The following HHIPL1 variants were observed in gnomAD, a reference collection of about 807,000 sequenced individuals.
HHIPL1 encodes HHIP-like protein 1.
A neutral mutation model predicts 61.8 loss-of-function variants in HHIPL1; 43 were observed. The observed-to-expected ratio is 0.70, with a 90% CI of 0.55 to 0.90. The LOEUF is 0.90. Among genes scored for constraint, HHIPL1 ranks in the 40% least tolerant of loss-of-function variants. The probability of loss-of-function intolerance (pLI) is 0.00; values close to 1 mark genes in which losing one functional copy is unlikely to be tolerated. For synonymous variants in HHIPL1, 482 were observed against 515.8 expected, an observed-to-expected ratio of 0.93 and a Z score of 0.89; for missense variants, 1,056 against 1,157.7, an observed-to-expected ratio of 0.91 and a Z score of 1.28.
In HHIPL1 at chr14:99,645,397, G is replaced by A; in HGVS notation, c.190G>A (p.Ala64Thr). 7.0e-7 allele frequency: 1 copy of A among 1,418,644 alleles called. No homozygotes were observed. Among genetic ancestry groups the A allele is most frequent in the Non-Finnish European group, 9.2e-7 (1 of 1,088,814 alleles). The allele number at this position is 1,418,644 out of a possible 1,614,324, so 87.9% of individuals were successfully genotyped here. The change falls in exon 1 of 9, where the codon GCG becomes ACG. Residue 64 changes from alanine (A) to threonine (T), a missense_variant. Coordinates refer to ENST00000330710, the MANE Select transcript of HHIPL1 (RefSeq NM_001127258.3). Reference sequence around the variant, plus strand: ...GCTGACCCGCCGCTTCTGGGCCCTGGCGAGCCGCGTGGACGCCGCCGAGTG... The same window carrying A: ...GCTGACCCGCCGCTTCTGGGCCCTGACGAGCCGCGTGGACGCCGCCGAGTG... ...AELTRRFWAL[A>T]SRVDAAEWAA...
intron 4 of HHIPL1, 54 bp downstream of exon 4, chr14:99,659,810 C>A: frequency 8.0e-7 from 1 of 1,247,990 alleles, no homozygotes. Flanking sequence ...CACCCCACCC[C>A]ACCTGCTGTG....
At chr14:99,631,260 C>A in the HHIPL1 span, among the ~76,000 whole-genome samples, 105 of 152,030 alleles carry the variant, frequency 6.9e-4, no homozygotes, top group African/African-American at 2.4e-3. Flanking sequence ...CCATACCCGG[C>A]TAAGTTTTGT....
intron 1 of HHIPL1, among the ~76,000 whole-genome samples, chr14:99,648,084 G>A (rs1231663345): frequency 6.6e-6 from 1 of 152,088 alleles, no homozygotes; most frequent in East Asian, 1.9e-4. Flanking sequence ...GCCCTGTGCT[G>A]GATGCTGGGC....
intron 2 of HHIPL1, 133 bp downstream of exon 2, chr14:99,653,003 G>A (rs2055965714): frequency 1.1e-6 from 1 of 897,820 alleles, no homozygotes; most frequent in Admixed American, 2.9e-5. Flanking sequence ...TGAATTTCAT[G>A]CTTTGGGGCC....
chr14:99,606,815 C>T, the HHIPL1 span, among the ~76,000 whole-genome samples: 1 of 152,074 alleles, frequency 6.6e-6, no homozygotes, highest in Non-Finnish European at 1.5e-5. Flanking sequence ...CACACCAGGG[C>T]TGGGAATGCT....
chr14:99,642,775 T>A (rs921915263), upstream of HHIPL1, among the ~76,000 whole-genome samples: 6 of 151,554 alleles, frequency 4.0e-5, no homozygotes, highest in Non-Finnish European at 8.8e-5. Flanking sequence ...CCGCCCACCT[T>A]GGCCTCCCAA....
chr14:99,658,690 G>A (rs118113896), intron 3 of HHIPL1, among the ~76,000 whole-genome samples: 14 of 152,166 alleles, frequency 9.2e-5, no homozygotes, highest in South Asian at 4.2e-4. Context: ...CCCATCACGC[G>A]TCACTTTTGT....
rs542659400 is a variant in HHIPL1, at chr14:99,666,793, C to A, written c.1649-1429C>A. Among the ~76,000 whole-genome samples the A allele has an allele frequency of 2.0e-5, 3 of 152,316 alleles. No homozygotes were observed. The East Asian group carries it at 5.8e-4, about 29-fold the overall frequency. On this transcript the variant is annotated intron_variant, in intron 6 of 8. Transcript: ENST00000330710. ...GCTGCATCATCACCATGTGTGCCTA[C>A]AGCTCCTCCCCCGACCTCCCCAGTG...
chr14:99,672,777 G>A (rs2056339221), intron 8 of HHIPL1, among the ~76,000 whole-genome samples: 1 of 152,180 alleles, frequency 6.6e-6, no homozygotes, highest in Admixed American at 6.5e-5. Flanking sequence ...TGACAAGCCT[G>A]ATGAGGAGAG....
chr14:99,660,652 G>A lies in HHIPL1; in HGVS notation c.1502+246G>A, dbSNP rs909748332. Among the ~76,000 whole-genome samples, 3 of 152,200 alleles carry A rather than the reference G, an allele frequency of 2.0e-5. No individual in the cohort carries two copies. Among genetic ancestry groups the A allele is most frequent in the African/African-American group, 7.2e-5 (3 of 41,454 alleles). On this transcript the variant is annotated intron_variant, in intron 5 of 8. Coordinates refer to ENST00000330710, the MANE Select transcript of HHIPL1 (RefSeq NM_001127258.3). This position sits in a 1 kb window ranked among gnomAD's most constrained non-coding sequence, Gnocchi z 4.9. ...ACACAACTCATGGCATTAAAGACTG[G>A]AGGCTTGCTTAAGTGCGGGTCCCGT... is the stretch of plus-strand genomic sequence containing the variant.
At chr14:99,652,112 C>T (rs1314331805) in intron 1 of HHIPL1, 112 bp from the exon 2 acceptor site, 1 of 990,758 alleles carries the variant, frequency 1.0e-6, no homozygotes, top group Non-Finnish European at 1.5e-6. Context: ...GCGTTGTCTC[C>T]ATTTTATGGA....
chr14:99,675,997 C>T lies in HHIPL1; in HGVS notation c.*371C>T. The T allele has an allele frequency of 4.3e-6, 1 of 231,232 alleles. No individual in the cohort carries two copies. The highest frequency in any genetic ancestry group is 8.7e-5 in the East Asian group (1 of 11,554). The allele number at this position is 231,232 out of a possible 1,614,324, so 14.3% of individuals were successfully genotyped here. On this transcript the variant is annotated 3_prime_UTR_variant, in exon 9 of 9. Transcript: ENST00000330710. The surrounding 1 kb of genome is among the most constrained non-coding windows in gnomAD (Gnocchi z 5.4). ...CCTGGCTGTGCTAACAGAGGCACAG[C>T]TTGCAGACTGAGGGCGGTGGGGAGA...
chr14:99,652,766 C>A lies in HHIPL1; in HGVS notation c.798C>A (p.Leu266=), dbSNP rs1174067080. ...FHPSFQHNRR[L]YVYYSVGIRS... ...CCAGCTTCCAGCACAACCGCAGGCTCTACGTCTACTACTCAGTGGGTATCC... is the reference window on the plus strand; with the variant it reads ...CCAGCTTCCAGCACAACCGCAGGCTATACGTCTACTACTCAGTGGGTATCC... The change falls in exon 2 of 9, where the codon CTC becomes CTA. Residue 266 remains leucine (L), a synonymous_variant. Transcript: ENST00000330710. 6.2e-7 allele frequency: 1 copy of A among 1,614,060 alleles called. No homozygotes were observed. Among genetic ancestry groups the A allele is most frequent in the Non-Finnish European group, 8.5e-7 (1 of 1,180,038 alleles).
the HHIPL1 span, among the ~76,000 whole-genome samples, chr14:99,610,873 A>C: frequency 6.6e-6 from 1 of 152,196 alleles, no homozygotes; most frequent in East Asian, 1.9e-4. Flanking sequence ...ATGTAGCTGT[A>C]GTTCATTCAT....
Position 99,679,423 on chromosome 14 carries a change from GC to G in HHIPL1, c.*3798del, listed in dbSNP as rs1451505447. On this transcript the variant is annotated 3_prime_UTR_variant, in exon 9 of 9. Coordinates refer to ENST00000330710, the MANE Select transcript of HHIPL1 (RefSeq NM_001127258.3). ...GCCAGGATCAGATTCTCAGAGAGGG[GC>G]TGCCCTGCCCAGTGCCACACAGCTT... is the stretch of plus-strand genomic sequence containing the variant. 2 of 152,448 alleles carry G rather than the reference GC, an allele frequency of 1.3e-5. No homozygotes were observed. Among genetic ancestry groups the G allele is most frequent in the Non-Finnish European group, 2.9e-5 (2 of 68,232 alleles). 9.4% of individuals were successfully genotyped at this position (152,448 alleles called of 1,614,324 possible). A position where few individuals can be genotyped will look rare whatever the true frequency, so the allele number is the denominator to read the frequency against.
rs1306218991 is a variant in HHIPL1, at chr14:99,659,696, T to C, written c.1315T>C (p.Trp439Arg). Residue 439 changes from tryptophan (W) to arginine (R), a missense_variant, in exon 4 of 9, where the codon TGG becomes CGG. Physicochemically the swap from Trp to Arg is moderately radical, Grantham distance 101 (BLOSUM62 -3). Transcript: ENST00000330710. The stretch of plus-strand genomic sequence containing the variant: ...GGTGGAGCGCGGCGGCAACTATGGC[T>C]GGCGCGCGCGCGAAGGGTTCGAGTG... The part of the protein sequence containing the change: ...DVVERGGNYG[W>R]RAREGFECYD... The C allele has an allele frequency of 1.3e-6, 2 of 1,501,784 alleles. No individual in the cohort carries two copies. Among genetic ancestry groups the C allele is most frequent in the Non-Finnish European group, 8.8e-7 (1 of 1,130,952 alleles). 93.0% of individuals were successfully genotyped at this position (1,501,784 alleles called of 1,614,324 possible).
intron 1 of HHIPL1, among the ~76,000 whole-genome samples, chr14:99,651,112 G>A (rs2055923169): frequency 6.6e-6 from 1 of 152,140 alleles, no homozygotes; most frequent in African/African-American, 2.4e-5. Flanking sequence ...AGCTAGGCGT[G>A]GTGGCTCTCG....
chr14:99,609,296 G>A, the HHIPL1 span, among the ~76,000 whole-genome samples: 1 of 152,228 alleles, frequency 6.6e-6, no homozygotes, highest in Admixed American at 6.5e-5. Context: ...GACAGAGCTA[G>A]TGTTAAGCAC....
At chr14:99,656,898 CT>C in intron 2 of HHIPL1, 101 bp from the exon 3 acceptor site, 1 of 562,986 alleles carries the variant, frequency 1.8e-6, no homozygotes, top group Non-Finnish European at 2.9e-6. Flanking sequence ...GAAGGAAGGT[CT>C]TTTCCATTGT....
Sources: allele counts gnomAD v4.1 joint callset (sites outside exome capture counted in the v4.1 genomes callset), GRCh38; gene constraint gnomAD v4.1.1; non-coding constraint Gnocchi (gnomAD v3.1); transcripts MANE v1.5; gene names NCBI Gene and HGNC (gene_info 2026-07-23, HGNC 2026-07-21).